The following ZSWIM4 variants were observed in gnomAD, a reference collection of about 807,000 sequenced individuals.
The protein encoded by ZSWIM4 is zinc finger SWIM-type containing 4, also known as zinc finger SWIM domain-containing protein 4.
ZSWIM4 carries 62 observed loss-of-function variants against 102.5 expected under a neutral mutation model. The observed-to-expected ratio is 0.60, with a 90% CI of 0.49 to 0.75. ZSWIM4 has a LOEUF of 0.75. Ranked by LOEUF, ZSWIM4 falls within the 30% of genes least tolerant of loss-of-function variation. The pLI is 0.00. For missense variants in ZSWIM4, 1,280 were observed against 1,529.6 expected (o/e 0.84, Z 2.72); for synonymous variants, 652 against 674.5 (o/e 0.97, Z 0.52).
intron 5 of ZSWIM4, among the ~76,000 whole-genome samples, chr19:13,811,783 C>A (rs113068042): frequency 0.018 from 2,789 of 151,346 alleles, 84 homozygotes; most frequent in African/African-American, 0.064. Context: ...CCATTTAAAA[C>A]TGGAAAAATA....
intron 2 of ZSWIM4, among the ~76,000 whole-genome samples, chr19:13,804,504 G>A (rs989044143): frequency 6.7e-6 from 1 of 148,618 alleles, no homozygotes; most frequent in Non-Finnish European, 1.5e-5. Context: ...AAAATTAGCC[G>A]GGCATGGTGG....
intron 5 of ZSWIM4, 98 bp from the exon 6 acceptor site, chr19:13,812,899 G>A: frequency 3.7e-6 from 5 of 1,341,208 alleles, no homozygotes; most frequent in Non-Finnish European, 5.1e-6. Flanking sequence ...CGAGGTGAGG[G>A]GTTAGCAGAT....
Position 13,826,242 on chromosome 19 carries a change from C to T in ZSWIM4, c.2379+529C>T, listed in dbSNP as rs114349574. 1.9e-3 allele frequency among the ~76,000 whole-genome samples: 288 copies of T among 151,998 alleles called. 1 individual carries two copies. The highest frequency in any genetic ancestry group is 6.8e-3 in the African/African-American group (280 of 41,446). On this transcript the variant is annotated intron_variant, in intron 12 of 13. Transcript: ENST00000590508. ...AGGGCCTGCAAGCCAGCAGATGGAT[C>T]GCAAGCGGAGCCTGGGGGTGGGGCC...
At chr19:13,816,362 A>G (rs113190079) in intron 7 of ZSWIM4, among the ~76,000 whole-genome samples, 2,798 of 152,220 alleles carry the variant, frequency 0.018, 88 homozygotes, top group African/African-American at 0.064. Flanking sequence ...AGTGGCTCAC[A>G]CCTGTAATCC....
rs945708268 is a variant in ZSWIM4 at position 13,827,621 on chromosome 19, A to G, written c.2380-1024A>G. On this transcript the variant is annotated intron_variant, in intron 12 of 13. Transcript: ENST00000590508. Reference sequence around the variant, plus strand: ...AAAAAAAAAAAAGAAAAGAAAAAAAAAGAAACTGGGGACCTTCCCAGCTAG... The same window carrying G: ...AAAAAAAAAAAAGAAAAGAAAAAAAGAGAAACTGGGGACCTTCCCAGCTAG... Among the ~76,000 whole-genome samples, 86 of 151,728 alleles carry G rather than the reference A, an allele frequency of 5.7e-4. 1 individual carries two copies. Among genetic ancestry groups the G allele is most frequent in the Non-Finnish European group, 1.1e-3 (73 of 67,958 alleles).
At chr19:13,819,848 T>G (rs929368771) in intron 10 of ZSWIM4, among the ~76,000 whole-genome samples, 14 of 132,196 alleles carry the variant, frequency 1.1e-4, no homozygotes, top group Admixed American at 8.2e-4. Context: ...TTGTTTTTTG[T>G]TTTTTTTTTT....
At chr19:13,800,075 T>C (rs1327444657) in intron 2 of ZSWIM4, among the ~76,000 whole-genome samples, 154 bp downstream of exon 2, 1 of 137,822 alleles carries the variant, frequency 7.3e-6, no homozygotes, top group Non-Finnish European at 1.5e-5. Flanking sequence ...ATTTTTTTTT[T>C]TTTTTTTTTT....
At chr19:13,823,230 C>A in intron 10 of ZSWIM4, 116 bp from the exon 11 acceptor site, 2 of 1,031,422 alleles carry the variant, frequency 1.9e-6, no homozygotes, top group Non-Finnish European at 2.8e-6. Context: ...TCATCTTGGG[C>A]TCTCAGGGCT....
chr19:13,826,223 T>G (rs1599616370), intron 12 of ZSWIM4, among the ~76,000 whole-genome samples: 2 of 152,172 alleles, frequency 1.3e-5, no homozygotes, highest in African/African-American at 4.8e-5. Context: ...AGGCAGGGCC[T>G]GCAAGCCAGC....
At chr19:13,805,202 G>T (rs569453704) in intron 3 of ZSWIM4, 54 bp downstream of exon 3, 14 of 1,456,996 alleles carry the variant, frequency 9.6e-6, no homozygotes, top group Non-Finnish European at 1.3e-5. Context: ...GCACAGCCAC[G>T]CCACTTGCTG....
intron 8 of ZSWIM4, 143 bp from the exon 9 acceptor site, chr19:13,817,579 C>G (rs931542587): frequency 2.6e-6 from 3 of 1,162,424 alleles, no homozygotes; most frequent in African/African-American, 3.1e-5. Context: ...CTCCCGCGCT[C>G]CCCCAACCCC....
At chr19:13,810,063 T>C (rs113700649) in intron 5 of ZSWIM4, among the ~76,000 whole-genome samples, 5,161 of 151,354 alleles carry the variant, frequency 0.034, 283 homozygotes, top group African/African-American at 0.12. Flanking sequence ...GGTACTATCT[T>C]GGCTCACTGC....
At chr19:13,806,142 A>T (rs1286267073) in intron 3 of ZSWIM4, among the ~76,000 whole-genome samples, 1 of 151,094 alleles carries the variant, frequency 6.6e-6, no homozygotes, top group Non-Finnish European at 1.5e-5. Flanking sequence ...TCCTGGGTTC[A>T]AGCAATTCTC....
chr19:13,802,278 A>ATT (rs201793669), intron 2 of ZSWIM4, among the ~76,000 whole-genome samples: 62,386 of 144,856 alleles, frequency 0.43, 16,074 homozygotes, highest in African/African-American at 0.75. Flanking sequence ...GCCTGGCCAA[A>ATT]TTTTTTTTTT....
intron 12 of ZSWIM4, among the ~76,000 whole-genome samples, chr19:13,828,277 C>T (rs2004240): frequency 3.9e-5 from 6 of 151,956 alleles, no homozygotes; most frequent in East Asian, 3.9e-4. Context: ...AGCATGGTGG[C>T]GGGCACCTGT....
At position 13,808,840 on chromosome 19, in the gene ZSWIM4, C is replaced by T. The variant is rs1318042955; in HGVS notation, c.717C>T (p.Ala239=). 1.2e-6 allele frequency: 2 copies of T among 1,604,734 alleles called. No homozygotes were observed. Among genetic ancestry groups the T allele is most frequent in the Non-Finnish European group, 1.7e-6 (2 of 1,175,812 alleles). ...CCTTTCCCTCCCTCCCGGCAGGTGC[C>T]CCAGACCCCACCGCCGGCGCAGGAA... The part of the protein sequence containing the change: ...LGSEINLVNG[A]PDPTAGAGIE... The change falls in exon 4 of 14, where the codon GCC becomes GCT. Residue 239 remains alanine (A), a synonymous_variant. Coordinates refer to ENST00000590508, the MANE Select transcript of ZSWIM4 (RefSeq NM_001367834.3).
intron 2 of ZSWIM4, 33 bp from the exon 3 acceptor site, chr19:13,804,759 G>A (rs761970706): frequency 6.5e-7 from 1 of 1,530,534 alleles, no homozygotes; most frequent in South Asian, 1.2e-5. Flanking sequence ...TCTCTGGGAT[G>A]ACACGGATGC....
Position 13,809,004 on chromosome 19 carries a change from G to A in ZSWIM4, c.861+20G>A. The A allele has an allele frequency of 6.2e-7, 1 of 1,609,368 alleles. No homozygotes were observed. Among genetic ancestry groups the A allele is most frequent in the Non-Finnish European group, 8.5e-7 (1 of 1,176,904 alleles). On this transcript the variant is annotated intron_variant, in intron 4 of 13. Transcript: ENST00000590508. The surrounding 1 kb of genome is among the most constrained non-coding windows in gnomAD (Gnocchi z 4.2). ...AGCAAGGTGCCGTGCGGGCCGGCGG[G>A]GCGCGGGGTGCAGAAGGCCCCGGCG...
At position 13,823,429 on chromosome 19, in the gene ZSWIM4, G is replaced by A. The variant is rs866165324; in HGVS notation, c.2144G>A (p.Arg715His). The A allele has an allele frequency of 1.6e-5, 26 of 1,604,290 alleles. No homozygotes were observed. Among genetic ancestry groups the A allele is most frequent in the Admixed American group, 8.5e-5 (5 of 58,686 alleles). The change falls in exon 11 of 14, where the codon CGC (arginine) becomes CAC (histidine). Residue 715 changes from arginine (R) to histidine (H), a missense_variant. Coordinates refer to ENST00000590508, the MANE Select transcript of ZSWIM4 (RefSeq NM_001367834.3). Reference sequence around the variant, plus strand: ...TCCATCATGAGCAACCGCTTCCCCCGCTGGTTCATCCTTGGCCACCTGGAG... The same window carrying A: ...TCCATCATGAGCAACCGCTTCCCCCACTGGTTCATCCTTGGCCACCTGGAG... ...LDSIMSNRFP[R>H]WFILGHLETR... is the part of the protein sequence containing the mutation.
Sources: allele counts gnomAD v4.1 joint callset (sites outside exome capture counted in the v4.1 genomes callset), GRCh38; gene constraint gnomAD v4.1.1; non-coding constraint Gnocchi (gnomAD v3.1); transcripts MANE v1.5; gene names NCBI Gene and HGNC (gene_info 2026-07-23, HGNC 2026-07-21).